TMEM132D: variants seen among roughly 807,000 people sequenced by gnomAD.
TMEM132D encodes transmembrane protein 132D.
In TMEM132D, 21 loss-of-function variants were observed where a neutral mutation model predicts 62.3. The observed-to-expected ratio is 0.34, with a 90% CI of 0.24 to 0.49. The LOEUF (loss-of-function observed/expected upper bound fraction) is 0.49. TMEM132D is among the 20% of genes least tolerant of loss of function. TMEM132D has a pLI of 0.99. For synonymous variants in TMEM132D, 621 were observed against 575.6 expected, an observed-to-expected ratio of 1.08 and a Z score of -1.13; for missense variants, 1,346 against 1,402.8, an observed-to-expected ratio of 0.96 and a Z score of 0.65.
chr12:129,780,873 T>C (rs1437380758), intron 1 of TMEM132D, among the ~76,000 whole-genome samples: 1 of 152,206 alleles, frequency 6.6e-6, no homozygotes, highest in Non-Finnish European at 1.5e-5. Context: ...GGGAGACAGC[T>C]GATTAACACG....
chr12:129,704,728 C>G lies in TMEM132D; in HGVS notation c.80-4030G>C, dbSNP rs200895377. 3.9e-5 allele frequency among the ~76,000 whole-genome samples: 6 copies of G among 152,170 alleles called. No individual in the cohort carries two copies. In the East Asian group the frequency reaches 5.8e-4, roughly 15 times the overall value. On this transcript the variant is annotated intron_variant, in intron 1 of 8. Coordinates refer to ENST00000422113, the MANE Select transcript of TMEM132D (RefSeq NM_133448.3). ...ACGCCAATGTAAACAAGGCTGCCCT[C>G]GGTGAAGGATATGTAAATAAACAAA...
chr12:129,129,973 G>A (rs778353780), intron 5 of TMEM132D, among the ~76,000 whole-genome samples: 10 of 151,022 alleles, frequency 6.6e-5, no homozygotes, highest in South Asian at 4.2e-4. Flanking sequence ...TATTTTCCAC[G>A]ATAAAGTACC....
chr12:129,548,361 T>C (rs984250527), intron 2 of TMEM132D, among the ~76,000 whole-genome samples: 5 of 152,142 alleles, frequency 3.3e-5, no homozygotes, highest in East Asian at 1.9e-4. Flanking sequence ...TCTTTACCCA[T>C]CCTGTTCGCC....
intron 4 of TMEM132D, among the ~76,000 whole-genome samples, chr12:129,232,814 G>GGA (rs1207739853): frequency 6.6e-6 from 1 of 151,452 alleles, no homozygotes; most frequent in African/African-American, 2.4e-5. Context: ...CATGATGGCA[G>GGA]GAGAGAGAGA....
At chr12:129,166,163 C>T (rs947863508) in intron 5 of TMEM132D, among the ~76,000 whole-genome samples, 1 of 152,188 alleles carries the variant, frequency 6.6e-6, no homozygotes, top group Non-Finnish European at 1.5e-5. Context: ...CTCAAATGCC[C>T]ACAGGGCTTA....
rs556749783 is a variant in TMEM132D at position 129,245,595 on chromosome 12, G to A, written c.1300-35932C>T. Among the ~76,000 whole-genome samples the A allele has an allele frequency of 7.9e-5, 12 of 151,608 alleles. No individual in the cohort carries two copies. In the South Asian group the frequency reaches 2.1e-3, roughly 26 times the overall value. On this transcript the variant is annotated intron_variant, in intron 4 of 8. Coordinates refer to ENST00000422113, the MANE Select transcript of TMEM132D (RefSeq NM_133448.3). Reference sequence around the variant, plus strand: ...AATAAAGATTGCTCTCTCCCTTGGCGGATTTCTGATATCAGCTGAGACATT... The same window carrying A: ...AATAAAGATTGCTCTCTCCCTTGGCAGATTTCTGATATCAGCTGAGACATT...
At chr12:129,460,032 T>A (rs1873608659) in intron 3 of TMEM132D, among the ~76,000 whole-genome samples, 1 of 152,172 alleles carries the variant, frequency 6.6e-6, no homozygotes, top group African/African-American at 2.4e-5. Flanking sequence ...TGACTGCAAG[T>A]GTATTAGCTT....
intron 2 of TMEM132D, among the ~76,000 whole-genome samples, chr12:129,658,120 T>A (rs1412429544): frequency 2.0e-5 from 3 of 152,310 alleles, no homozygotes; most frequent in African/African-American, 7.2e-5. Context: ...AGGTGACATT[T>A]GAAATGGGAC....
intron 4 of TMEM132D, among the ~76,000 whole-genome samples, chr12:129,255,252 T>C (rs1880370194): frequency 6.6e-6 from 1 of 152,216 alleles, no homozygotes. Flanking sequence ...TTTATAATTA[T>C]GCAGCCTCAG....
intron 3 of TMEM132D, among the ~76,000 whole-genome samples, chr12:129,434,466 A>G (rs1049788453): frequency 6.6e-6 from 1 of 152,128 alleles, no homozygotes; most frequent in African/African-American, 2.4e-5. Context: ...TGCTGTGACT[A>G]CTACAAGTTG....
chr12:129,415,857 ACCAGAG>A (rs1033379636), intron 3 of TMEM132D, among the ~76,000 whole-genome samples: 1 of 151,932 alleles, frequency 6.6e-6, no homozygotes, highest in African/African-American at 2.4e-5. Context: ...TTCCTTTTCA[ACCAGAG>A]CCTGGTTCTC....
At chr12:129,576,782 A>G (rs7305074) in intron 2 of TMEM132D, among the ~76,000 whole-genome samples, 2,175 of 152,004 alleles carry the variant, frequency 0.014, 111 homozygotes, top group African/African-American at 0.05. Flanking sequence ...GCCAATTAAC[A>G]TATTTTGTAT....
chr12:129,373,858 G>A (rs1160735247), intron 3 of TMEM132D, among the ~76,000 whole-genome samples: 1 of 152,090 alleles, frequency 6.6e-6, no homozygotes, highest in Non-Finnish European at 1.5e-5. Flanking sequence ...TAACATTTTG[G>A]AAAAACTGAT....
At chr12:129,350,257 A>G (rs1869821636) in intron 3 of TMEM132D, among the ~76,000 whole-genome samples, 2 of 152,200 alleles carry the variant, frequency 1.3e-5, no homozygotes, top group African/African-American at 4.8e-5. Context: ...AAGGAAGAGA[A>G]CCTTGTTACA....
chr12:129,731,347 A>G (rs11060523), intron 1 of TMEM132D, among the ~76,000 whole-genome samples: 23,103 of 152,124 alleles, frequency 0.15, 1,955 homozygotes, highest in South Asian at 0.25. Flanking sequence ...TATCTCAGGT[A>G]TCTCAAAGTG....
chr12:129,320,738 T>G (rs1868672017), intron 4 of TMEM132D, among the ~76,000 whole-genome samples: 1 of 152,160 alleles, frequency 6.6e-6, no homozygotes, highest in Admixed American at 6.5e-5. Flanking sequence ...GAAACATTTG[T>G]AATGGTTTAC....
chr12:129,887,098 G>A (rs905698982), intron 1 of TMEM132D, among the ~76,000 whole-genome samples: 1 of 152,148 alleles, frequency 6.6e-6, no homozygotes, highest in South Asian at 2.1e-4. Context: ...ACTTTTGAAA[G>A]AGATCTGAGT....
intron 4 of TMEM132D, among the ~76,000 whole-genome samples, chr12:129,313,467 C>T (rs759948498): frequency 1.5e-4 from 23 of 152,108 alleles, no homozygotes; most frequent in Admixed American, 3.3e-4. Context: ...AGTCTCCAAT[C>T]TCATCCAGGT....
At chr12:129,518,410 T>C (rs1405787989) in intron 3 of TMEM132D, among the ~76,000 whole-genome samples, 3 of 152,070 alleles carry the variant, frequency 2.0e-5, no homozygotes, top group Admixed American at 1.3e-4. Context: ...ATTTTATGGT[T>C]TGAATTCAGG....
Sources: allele counts gnomAD v4.1 joint callset (sites outside exome capture counted in the v4.1 genomes callset), GRCh38; gene constraint gnomAD v4.1.1; transcripts MANE v1.5; gene names NCBI Gene and HGNC (gene_info 2026-07-23, HGNC 2026-07-21).